Variants in LPP observed in about 807,000 individuals in gnomAD.
The protein encoded by LPP is lipoma-preferred partner.
A neutral mutation model predicts 60.4 loss-of-function variants in LPP; 38 were observed. The ratio of observed to expected loss-of-function variants is 0.63; its 90% CI spans 0.49 to 0.83. The LOEUF (loss-of-function observed/expected upper bound fraction) is 0.83, where lower values mean the gene tolerates loss of function less well. LPP is among the 40% of genes least tolerant of loss of function. The probability of loss-of-function intolerance (pLI) is 0.00; values close to 1 mark genes in which losing one functional copy is unlikely to be tolerated. For missense variants in LPP, 902 were observed against 783.6 expected, an observed-to-expected ratio of 1.15 and a Z score of -1.80; for synonymous variants, 328 against 290.8, an observed-to-expected ratio of 1.13 and a Z score of -1.30.
chr3:188,803,685 A>G (rs1437531780), intron 9 of LPP, among the ~76,000 whole-genome samples: 8 of 152,208 alleles, frequency 5.3e-5, no homozygotes, highest in African/African-American at 1.7e-4. Flanking sequence ...ATGTCTGTCC[A>G]TTCTCCAGTT....
intron 7 of LPP, among the ~76,000 whole-genome samples, chr3:188,654,757 C>G (rs780812098): frequency 2.6e-5 from 4 of 152,158 alleles, no homozygotes; most frequent in Admixed American, 2.0e-4. Flanking sequence ...AAGTAATGAT[C>G]GCAGATTCTA....
intron 9 of LPP, among the ~76,000 whole-genome samples, chr3:188,781,886 C>G (rs1199984489): frequency 1.5e-5 from 2 of 129,152 alleles, no homozygotes; most frequent in African/African-American, 2.8e-5. Flanking sequence ...AGCAAGACTC[C>G]GTCTCAAAAA....
rs115727781 is a variant in LPP at position 188,571,371 on chromosome 3, A to G, written c.430-37790A>G. 4.0e-3 allele frequency among the ~76,000 whole-genome samples: 605 copies of G among 152,090 alleles called. 7 individuals carry two copies. Among genetic ancestry groups the G allele is most frequent in the African/African-American group, 0.014 (584 of 41,532 alleles). On this transcript the variant is annotated intron_variant, in intron 6 of 11. Coordinates refer to ENST00000617246, the MANE Select transcript of LPP (RefSeq NM_001375462.1). The stretch of plus-strand genomic sequence containing the variant: ...CTGTGTTCACTGCACTTACATCCCA[A>G]TATTTTCAGAAGATAGGACTGTATG...
At chr3:188,169,192 G>A (rs989355830) in intron 1 of LPP, among the ~76,000 whole-genome samples, 1 of 152,134 alleles carries the variant, frequency 6.6e-6, no homozygotes, top group South Asian at 2.1e-4. Context: ...TTTTCAAAAG[G>A]TATTGAGCAC....
intron 6 of LPP, among the ~76,000 whole-genome samples, chr3:188,532,510 T>A (rs1040613649): frequency 1.3e-5 from 2 of 152,192 alleles, no homozygotes; most frequent in African/African-American, 4.8e-5. Context: ...CTTCTTCAAC[T>A]AATATGAAAA....
chr3:188,548,189 A>T (rs1002950258), intron 6 of LPP, among the ~76,000 whole-genome samples: 5 of 152,206 alleles, frequency 3.3e-5, no homozygotes, highest in African/African-American at 1.2e-4. Context: ...TAGATGGAGC[A>T]TGTGAATTCT....
At chr3:188,389,807 T>TA (rs1779260516) in intron 3 of LPP, among the ~76,000 whole-genome samples, 1 of 100,092 alleles carries the variant, frequency 1.0e-5, no homozygotes, top group African/African-American at 4.2e-5. Flanking sequence ...GGACTCCGTC[T>TA]CAAAAAAAAA....
chr3:188,201,505 G>A (rs1473578187), intron 1 of LPP, among the ~76,000 whole-genome samples: 5 of 152,056 alleles, frequency 3.3e-5, no homozygotes, highest in African/African-American at 7.2e-5. Context: ...TCAGGAGTTC[G>A]AGACCAGCCT....
At chr3:188,252,174 TA>T (rs1186923345) in intron 2 of LPP, among the ~76,000 whole-genome samples, 8 of 14,520 alleles carry the variant, frequency 5.5e-4, no homozygotes, top group Middle Eastern at 0.25. Context: ...CCCAAACATA[TA>T]TATATATATA....
chr3:188,175,690 A>C (rs1722859813), intron 1 of LPP, among the ~76,000 whole-genome samples: 1 of 152,172 alleles, frequency 6.6e-6, no homozygotes. Flanking sequence ...TTTATACTAA[A>C]AAGAGATCAC....
At chr3:188,428,244 C>T (rs1220495595) in intron 4 of LPP, among the ~76,000 whole-genome samples, 1 of 152,118 alleles carries the variant, frequency 6.6e-6, no homozygotes, top group African/African-American at 2.4e-5. Context: ...TGGGCTGCAC[C>T]CACTGTCTAA....
chr3:188,417,929 T>C lies in LPP; in HGVS notation c.193+11616T>C, dbSNP rs377010539. 1.7e-4 allele frequency among the ~76,000 whole-genome samples: 26 copies of C among 152,342 alleles called. No homozygotes were observed. In the East Asian group the frequency reaches 5.0e-3, roughly 29 times the overall value. ...AATCATTTTTTGTTTTGTTTTGCTC[T>C]CTTACTTGTTCACACGTTGGGGTAA... On this transcript the variant is annotated intron_variant, in intron 4 of 11. Coordinates refer to ENST00000617246, the MANE Select transcript of LPP (RefSeq NM_001375462.1).
intron 5 of LPP, among the ~76,000 whole-genome samples, chr3:188,518,276 A>G (rs184755373): frequency 8.5e-5 from 13 of 152,338 alleles, no homozygotes; most frequent in Admixed American, 5.2e-4. Context: ...GAAGAGAGTA[A>G]TAAACATTAC....
chr3:188,774,923 G>A (rs771284049), intron 9 of LPP, among the ~76,000 whole-genome samples: 3 of 152,060 alleles, frequency 2.0e-5, no homozygotes, highest in African/African-American at 7.2e-5. Flanking sequence ...TTTATAAAGG[G>A]ACTCAATTTA....
At chr3:188,824,525 A>T (rs1754862478) in intron 9 of LPP, among the ~76,000 whole-genome samples, 1 of 152,186 alleles carries the variant, frequency 6.6e-6, no homozygotes, top group Non-Finnish European at 1.5e-5. Flanking sequence ...CTAGAATGAC[A>T]GCTCCGTGTA....
chr3:188,382,257 G>T (rs114332299), intron 3 of LPP, among the ~76,000 whole-genome samples: 219 of 152,288 alleles, frequency 1.4e-3, no homozygotes, highest in African/African-American at 5.0e-3. Flanking sequence ...ACTCAATTGT[G>T]TGAATTGTGT....
chr3:188,507,610 A>G (rs1344509514), intron 5 of LPP, among the ~76,000 whole-genome samples: 1 of 152,160 alleles, frequency 6.6e-6, no homozygotes, highest in Non-Finnish European at 1.5e-5. Context: ...GCAGAACAGG[A>G]GACCAGAGTC....
intron 5 of LPP, among the ~76,000 whole-genome samples, chr3:188,519,782 T>A (rs1367223295): frequency 2.6e-5 from 4 of 152,130 alleles, no homozygotes; most frequent in Non-Finnish European, 4.4e-5. Context: ...GGGTGAAGGA[T>A]GGGTGAGTGG....
chr3:188,305,013 A>G (rs955122067), intron 2 of LPP, among the ~76,000 whole-genome samples: 8 of 152,216 alleles, frequency 5.3e-5, no homozygotes, highest in South Asian at 2.1e-4. Flanking sequence ...TACATTTCCT[A>G]GCTTGCACAT....
Sources: allele counts gnomAD v4.1 joint callset (sites outside exome capture counted in the v4.1 genomes callset), GRCh38; gene constraint gnomAD v4.1.1; transcripts MANE v1.5; gene names NCBI Gene and HGNC (gene_info 2026-07-23, HGNC 2026-07-21).